Variants in MCM2 observed in about 807,000 individuals in gnomAD.
MCM2 encodes the protein DNA replication licensing factor MCM2.
In MCM2, 49 loss-of-function variants were observed where a neutral mutation model predicts 86.4. That is an observed-to-expected ratio of 0.57 (90% CI 0.45 to 0.72). MCM2 has a LOEUF of 0.72. MCM2 is among the 30% of genes least tolerant of loss of function. The pLI is 0.00. For missense variants in MCM2, 1,038 were observed against 1,259.9 expected (o/e 0.82, Z 2.67); for synonymous variants, 475 against 484.6 (o/e 0.98, Z 0.26).
chr3:127,620,709 C>T lies in MCM2; in HGVS notation c.2277C>T (p.Ser759=), dbSNP rs768741886. Residue 759 remains serine, a synonymous_variant, in exon 14 of 16, where the codon AGC becomes AGT. Coordinates refer to ENST00000265056, the MANE Select transcript of MCM2 (RefSeq NM_004526.4). ...DLRKESMATG[S]IPITVRHIES... ...GTGCTTCTCTCCAGGCGACAGGCAG[C>T]ATCCCCATTACGGTGCGGCACATCG... 3.8e-6 allele frequency: 6 copies of T among 1,593,002 alleles called. No homozygotes were observed. Among genetic ancestry groups the T allele is most frequent in the Non-Finnish European group, 5.1e-6 (6 of 1,165,880 alleles).
At chr3:127,603,735 C>T (rs2074323125) in intron 2 of MCM2, among the ~76,000 whole-genome samples, 1 of 152,118 alleles carries the variant, frequency 6.6e-6, no homozygotes, top group Non-Finnish European at 1.5e-5. Flanking sequence ...AATCTCTGCT[C>T]ACTGCAACCT....
At position 127,606,741 on chromosome 3, in the gene MCM2, C is replaced by A. The variant is rs139899850; in HGVS notation, c.1025C>A (p.Ser342Tyr). The change falls in exon 6 of 16, where the codon TCC becomes TAC. Residue 342 changes from serine to tyrosine, a missense_variant. Around this residue, in one of 4 missense-constraint regions of MCM2, gnomAD observed 399 missense variants for 507.2 expected, o/e 0.79. Transcript: ENST00000265056. The surrounding 1 kb of genome is among the most constrained non-coding windows in gnomAD (Gnocchi z 4.2). ...TTCGTCCTGGGTCCTTTCTGCCAGT[C>A]CCAGAACCAGGAGGTGAAACCAGGC... ...CNFVLGPFCQ[S>Y]QNQEVKPGSC... 7.1e-5 allele frequency: 115 copies of A among 1,614,112 alleles called. No homozygotes were observed. Among genetic ancestry groups the A allele is most frequent in the Non-Finnish European group, 9.3e-5 (110 of 1,180,048 alleles).
intron 13 of MCM2, 97 bp downstream of exon 13, chr3:127,619,375 A>G (rs780392041): frequency 4.8e-6 from 7 of 1,472,994 alleles, no homozygotes; most frequent in Non-Finnish European, 6.4e-6. Flanking sequence ...CAGTCAGGCC[A>G]AAAGGTGCCA....
Position 127,606,603 on chromosome 3 carries a change from T to A in MCM2, c.894-7T>A. On this transcript the variant is annotated splice_region_variant and splice_polypyrimidine_tract_variant and intron_variant, in intron 5 of 15. Coordinates refer to ENST00000265056, the MANE Select transcript of MCM2 (RefSeq NM_004526.4). This position sits in a 1 kb window ranked among gnomAD's most constrained non-coding sequence, Gnocchi z 4.2. ...CACGGCTTCTGATGCACCCTCTGCC[T>A]CCGCAGGCAGCTGCATCTGAACCAG... 3 of 1,612,842 alleles carry A rather than the reference T, an allele frequency of 1.9e-6. No homozygotes were observed. Among genetic ancestry groups the A allele is most frequent in the Non-Finnish European group, 2.5e-6 (3 of 1,179,088 alleles).
At chr3:127,601,557 G>A (rs567337856) in intron 2 of MCM2, among the ~76,000 whole-genome samples, 61 of 152,126 alleles carry the variant, frequency 4.0e-4, no homozygotes, top group Non-Finnish European at 7.4e-4. Flanking sequence ...ATGCGGTTTC[G>A]GTTTTACCAT....
intron 2 of MCM2, among the ~76,000 whole-genome samples, chr3:127,601,006 C>T (rs1256688771): frequency 6.6e-6 from 1 of 152,008 alleles, no homozygotes; most frequent in East Asian, 1.9e-4. Context: ...AGTGTGAGAA[C>T]AGGGCCGTTT....
rs2074452910 is a variant in MCM2 at position 127,618,847 on chromosome 3, C to G, written c.2014-180C>G. Among the ~76,000 whole-genome samples the G allele has an allele frequency of 6.6e-6, 1 of 152,230 alleles. No homozygotes were observed. Among genetic ancestry groups the G allele is most frequent in the Non-Finnish European group, 1.5e-5 (1 of 68,048 alleles). On this transcript the variant is annotated intron_variant, in intron 12 of 15. Transcript: ENST00000265056. The surrounding 1 kb of genome is among the most constrained non-coding windows in gnomAD (Gnocchi z 4.0). ...CTTGTGGAGATGAGCCCTGTGGGGA[C>G]TCTGTCCCATTGTCTGGTTTGCCAC...
intron 3 of MCM2, 30 bp downstream of exon 3, chr3:127,604,813 A>ACTGGGAAG (rs2074332940): frequency 1.3e-6 from 2 of 1,573,360 alleles, no homozygotes; most frequent in African/African-American, 1.3e-5. Context: ...TGCCCGAGGG[A>ACTGGGAAG]CTGGGAAGCT....
rs1196256133 is a variant in MCM2, at chr3:127,606,058, T to A, written c.674-60T>A. Reference sequence around the variant, plus strand: ...GGCCTTGCTTCTCACACAGGCATTGTTGCAGCCCAGCCCAGGCCTCATGCT... The same window carrying A: ...GGCCTTGCTTCTCACACAGGCATTGATGCAGCCCAGCCCAGGCCTCATGCT... On this transcript the variant is annotated intron_variant, in intron 4 of 15. Coordinates refer to ENST00000265056, the MANE Select transcript of MCM2 (RefSeq NM_004526.4). This position sits in a 1 kb window ranked among gnomAD's most constrained non-coding sequence, Gnocchi z 4.2. 4 of 1,367,654 alleles carry A rather than the reference T, an allele frequency of 2.9e-6. No individual in the cohort carries two copies. Among genetic ancestry groups the A allele is most frequent in the Admixed American group, 3.4e-5 (2 of 58,038 alleles). The allele number at this position is 1,367,654 out of a possible 1,614,324, so 84.7% of individuals were successfully genotyped here.
chr3:127,618,960 C>T lies in MCM2; in HGVS notation c.2014-67C>T, dbSNP rs1251480772. ...TTGTAGGGCACACTCAGCCCTTCTCCAGCCACTGACCTCCCCAAAGCCACG... is the reference window on the plus strand; with the variant it reads ...TTGTAGGGCACACTCAGCCCTTCTCTAGCCACTGACCTCCCCAAAGCCACG... On this transcript the variant is annotated intron_variant, in intron 12 of 15. Coordinates refer to ENST00000265056, the MANE Select transcript of MCM2 (RefSeq NM_004526.4). The surrounding 1 kb of genome is among the most constrained non-coding windows in gnomAD (Gnocchi z 4.0). 3.4e-6 allele frequency: 5 copies of T among 1,475,546 alleles called. No homozygotes were observed. Among genetic ancestry groups the T allele is most frequent in the African/African-American group, 2.8e-5 (2 of 71,574 alleles). 91.4% of individuals were successfully genotyped at this position (1,475,546 alleles called of 1,614,324 possible). A position where few individuals can be genotyped will look rare whatever the true frequency, so the allele number is the denominator to read the frequency against.
In MCM2 at chr3:127,620,864, T is replaced by C. The variant is rs888786526; in HGVS notation, c.2432T>C (p.Met811Thr). The C allele has an allele frequency of 6.2e-6, 10 of 1,606,980 alleles. No homozygotes were observed. The highest frequency in any genetic ancestry group is 1.7e-5 in the Admixed American group (1 of 59,558). Reference protein sequence around the residue: ...SFIDTQKFSVMRSMRKTFARY... With the variant: ...SFIDTQKFSVTRSMRKTFARY... ...ATAGACACACAGAAGTTCAGCGTCA[T>C]GCGCAGCATGCGCAAGGTGGGTGTG... The change falls in exon 14 of 16, where the codon ATG becomes ACG. Residue 811 changes from methionine to threonine, a missense_variant. Physicochemically the swap from Met to Thr is moderately conservative, Grantham distance 81. This residue lies in a region of MCM2 where 336 missense variants were observed against 425.7 expected (regional missense o/e 0.79). Transcript: ENST00000265056.
intron 8 of MCM2, chr3:127,610,661 C>G (rs2074388416): frequency 5.1e-6 from 2 of 393,244 alleles, no homozygotes; most frequent in African/African-American, 4.2e-5. Context: ...GGTTCCTTTT[C>G]TCAAGTGTAT....
In MCM2 at chr3:127,618,987, A is replaced by G; in HGVS notation, c.2014-40A>G. Reference sequence around the variant, plus strand: ...GCCACTGACCTCCCCAAAGCCACGCACACCCACAATCAGACCCACCCTCTC... The same window carrying G: ...GCCACTGACCTCCCCAAAGCCACGCGCACCCACAATCAGACCCACCCTCTC... On this transcript the variant is annotated intron_variant, in intron 12 of 15. Coordinates refer to ENST00000265056, the MANE Select transcript of MCM2 (RefSeq NM_004526.4). The surrounding 1 kb of genome is among the most constrained non-coding windows in gnomAD (Gnocchi z 4.0). 1 of 1,532,264 alleles carries G rather than the reference A, an allele frequency of 6.5e-7. No individual in the cohort carries two copies. The highest frequency in any genetic ancestry group is 8.8e-7 in the Non-Finnish European group (1 of 1,135,682). The allele number at this position is 1,532,264 out of a possible 1,614,324, so 94.9% of individuals were successfully genotyped here.
chr3:127,615,924 GGCCCT>G lies in MCM2; in HGVS notation c.1493_1497del (p.Ala498ValfsTer17). On this transcript the variant is annotated frameshift_variant, in exon 9 of 16. Transcript: ENST00000265056. LOFTEE classifies it high-confidence loss of function. The stretch of plus-strand genomic sequence containing the variant: ...AAGACATCAAGAGAGGCCTGGCTCT[GGCCCT>G]GTTCGGAGGGGAGCCCAAAAACCCA... 1 of 1,614,178 alleles carries G rather than the reference GGCCCT, an allele frequency of 6.2e-7. No homozygotes were observed. The highest frequency in any genetic ancestry group is 8.5e-7 in the Non-Finnish European group (1 of 1,180,034).
chr3:127,608,299 G>T, intron 6 of MCM2, 83 bp from the exon 7 acceptor site: 1 of 1,549,036 alleles, frequency 6.5e-7, no homozygotes, highest in Non-Finnish European at 8.8e-7. Flanking sequence ...TCGGAATCCT[G>T]CCTGTTCTCC....
chr3:127,606,673 G>T lies in MCM2; in HGVS notation c.957G>T (p.Leu319=). The T allele has an allele frequency of 1.2e-6, 2 of 1,614,238 alleles. No individual in the cohort carries two copies. The highest frequency in any genetic ancestry group is 1.7e-6 in the Non-Finnish European group (2 of 1,180,046). Residue 319 remains leucine (L), a synonymous_variant, in exon 6 of 16, where the codon CTG becomes CTT. Transcript: ENST00000265056. This position sits in a 1 kb window ranked among gnomAD's most constrained non-coding sequence, Gnocchi z 4.2. ...TGGTGACCAGCTGCACTGGCGTCCT[G>T]CCCCAGCTCAGCATGGTCAAGTACA... The part of the protein sequence containing the change: ...SGVVTSCTGV[L]PQLSMVKYNC...
intron 7 of MCM2, 133 bp downstream of exon 7, chr3:127,608,649 G>A (rs1037017658): frequency 1.1e-5 from 14 of 1,330,950 alleles, no homozygotes; most frequent in Non-Finnish European, 1.5e-5. Flanking sequence ...CATGGCTGAG[G>A]CAAAGAACTT....
chr3:127,618,073 C>T lies in MCM2; in HGVS notation c.2005C>T (p.Pro669Ser). 6.2e-7 allele frequency: 1 copy of T among 1,613,712 alleles called. No homozygotes were observed. The highest frequency in any genetic ancestry group is 1.7e-5 in the Admixed American group (1 of 60,006). The change falls in exon 12 of 16, where the codon CCA becomes TCA. Residue 669 changes from proline (P) to serine (S), a missense_variant. Pro to Ser is a moderately conservative substitution (Grantham distance 74, BLOSUM62 -1). Around this residue, in one of 4 missense-constraint regions of MCM2, gnomAD observed 336 missense variants for 425.7 expected, o/e 0.79. Transcript: ENST00000265056. This position sits in a 1 kb window ranked among gnomAD's most constrained non-coding sequence, Gnocchi z 4.0. ...GTGTGTGGTGAGGGACACCGTGGACCCAGTCCAGGTATAGCTCACATGTGC... is the reference window on the plus strand; with the variant it reads ...GTGTGTGGTGAGGGACACCGTGGACTCAGTCCAGGTATAGCTCACATGTGC... ...ILCVVRDTVD[P>S]VQDEMLARFV...
rs1247401070 is a variant in MCM2, at chr3:127,598,471, C to A, written c.5C>A (p.Ala2Glu). ...GGAGAGGATCGTGGTACTGCTATGGCGGTGAGCGCGCTGGCGCGTGGCGGG... is the reference window on the plus strand; with the variant it reads ...GGAGAGGATCGTGGTACTGCTATGGAGGTGAGCGCGCTGGCGCGTGGCGGG... MAESSESFTMAS... is the reference protein window; with the variant it reads MEESSESFTMAS... The change falls in exon 1 of 16, where the codon GCG (alanine) becomes GAG (glutamate). Residue 2 changes from alanine (A) to glutamate (E), a missense_variant and splice_region_variant. By Grantham distance (107) the Ala-to-Glu change is moderately radical (BLOSUM62 -1). This residue lies in a region of MCM2 where 300 missense variants were observed against 307.4 expected (regional missense o/e 0.98). Coordinates refer to ENST00000265056, the MANE Select transcript of MCM2 (RefSeq NM_004526.4). 9.9e-6 allele frequency: 16 copies of A among 1,612,788 alleles called. No homozygotes were observed. The highest frequency in any genetic ancestry group is 1.4e-5 in the Non-Finnish European group (16 of 1,179,378).
Sources: allele counts gnomAD v4.1 joint callset (sites outside exome capture counted in the v4.1 genomes callset), GRCh38; gene constraint gnomAD v4.1.1; regional missense constraint gnomAD v4.1.1; non-coding constraint Gnocchi (gnomAD v3.1); transcripts MANE v1.5; gene names NCBI Gene and HGNC (gene_info 2026-07-23, HGNC 2026-07-21).